MSLN: variants seen among roughly 807,000 people sequenced by gnomAD.
MSLN encodes mesothelin, also known as CAK1 antigen.
MSLN carries 82 observed loss-of-function variants against 72.6 expected under a neutral mutation model. The ratio of observed to expected loss-of-function variants is 1.13; its 90% CI spans 0.94 to 1.36. The LOEUF (loss-of-function observed/expected upper bound fraction) is 1.36, where lower values mean the gene tolerates loss of function less well. MSLN is among the 40% of genes most tolerant of loss of function. The pLI, the probability that MSLN is intolerant of heterozygous loss-of-function variation, is 0.00. For synonymous variants in MSLN, 456 were observed against 387.3 expected (o/e 1.18, Z -2.08); for missense variants, 1,005 against 847.9 (o/e 1.19, Z -2.30).
At chr16:767,288 T>G in intron 15 of MSLN, 88 bp from the exon 16 acceptor site, 1 of 1,291,596 alleles carries the variant, frequency 7.7e-7, no homozygotes, top group East Asian at 2.3e-5. Flanking sequence ...GGAAGCCCTG[T>G]AAGGCAAGTG....
At chr16:764,507 AG>A (rs1345156013) in intron 6 of MSLN, 139 bp from the exon 7 acceptor site, 1 of 818,494 alleles carries the variant, frequency 1.2e-6, no homozygotes, top group East Asian at 2.4e-5. Context: ...GCAGCGCTGC[AG>A]GCGGCCAGAG....
chr16:764,153 A>C lies in MSLN; in HGVS notation c.300+10A>C, dbSNP rs1299561724. On this transcript the variant is annotated intron_variant, in intron 6 of 17. Coordinates refer to ENST00000545450, the MANE Select transcript of MSLN (RefSeq NM_005823.6). ...GCTCTCAACAGAGCAGGTCAGTCTC[A>C]GTTGGGCTGAGGCAGGTGGGCACAG... 1.3e-6 allele frequency: 2 copies of C among 1,599,534 alleles called. No individual in the cohort carries two copies. The highest frequency in any genetic ancestry group is 3.3e-5 in the Admixed American group (2 of 59,912).
chr16:768,266 G>C (rs1596699364), intron 16 of MSLN, 113 bp from the exon 17 acceptor site: 1 of 1,105,362 alleles, frequency 9.0e-7, no homozygotes, highest in Non-Finnish European at 1.2e-6. Context: ...GTCTGGAGAG[G>C]CTGCGGTGGG....
At chr16:765,087 C>T (rs753047130) in intron 8 of MSLN, 23 bp from the exon 9 acceptor site, 23 of 1,605,512 alleles carry the variant, frequency 1.4e-5, no homozygotes, top group African/African-American at 2.7e-5. Context: ...GTTCCAAAAG[C>T]GCTGAGGCCA....
rs1324110940 is a variant in MSLN, at chr16:766,341, C to T, written c.1081C>T (p.Pro361Ser). The part of the protein sequence containing the change: ...VLKHKLDELY[P>S]QGYPESVIQH... ...CTGGTCTCTTGGCCTGCAGCTCTACCCACAAGGTTACCCCGAGTCTGTGAT... is the reference window on the plus strand; with the variant it reads ...CTGGTCTCTTGGCCTGCAGCTCTACTCACAAGGTTACCCCGAGTCTGTGAT... The change falls in exon 13 of 18, where the codon CCA becomes TCA. Residue 361 changes from proline to serine, a missense_variant. Coordinates refer to ENST00000545450, the MANE Select transcript of MSLN (RefSeq NM_005823.6). 1 of 1,612,682 alleles carries T rather than the reference C, an allele frequency of 6.2e-7. No individual in the cohort carries two copies. Among genetic ancestry groups the T allele is most frequent in the South Asian group, 1.1e-5 (1 of 91,088 alleles).
At position 768,045 on chromosome 16, in the gene MSLN, G is replaced by C. The variant is rs2041661469; in HGVS notation, c.1597-334G>C. Among the ~76,000 whole-genome samples, 3 of 95,072 alleles carry C rather than the reference G, an allele frequency of 3.2e-5. No homozygotes were observed. The South Asian group carries it at 1.3e-3, about 42-fold the overall frequency. 62.4% of individuals were successfully genotyped at this position (95,072 alleles called of 152,430 possible). A position where few individuals can be genotyped will look rare whatever the true frequency, so the allele number is the denominator to read the frequency against. On this transcript the variant is annotated intron_variant, in intron 16 of 17. Transcript: ENST00000545450. ...GGGTGTGGAGGGGGGCGCGTGGAGG[G>C]GGCGCGTGGAGGAGGGGCACATGGA...
chr16:768,193 G>A lies in MSLN; in HGVS notation c.1597-186G>A, dbSNP rs146771576. Among the ~76,000 whole-genome samples, 1,172 of 151,618 alleles carry A rather than the reference G, an allele frequency of 7.7e-3. 20 individuals carry two copies. Among genetic ancestry groups the A allele is most frequent in the African/African-American group, 0.027 (1,096 of 41,272 alleles). On this transcript the variant is annotated intron_variant, in intron 16 of 17. Transcript: ENST00000545450. ...GCCTTAGGAAGGGCAGCATCTTCCC[G>A]TGTGGTGGGGCCTAGGGAAGGGCAG...
Position 766,461 on chromosome 16 carries a change from G to A in MSLN, c.1201G>A (p.Val401Ile), listed in dbSNP as rs1302377801. Reference sequence around the variant, plus strand: ...GGAGACCCTGAAGGCTTTGCTTGAAGTCAACAAAGGGCACGAAATGAGTCC... The same window carrying A: ...GGAGACCCTGAAGGCTTTGCTTGAAATCAACAAAGGGCACGAAATGAGTCC... ...SLETLKALLEVNKGHEMSPQV... is the reference protein window; with the variant it reads ...SLETLKALLEINKGHEMSPQV... Residue 401 changes from valine to isoleucine, a missense_variant, in exon 13 of 18, where the codon GTC (valine) becomes ATC (isoleucine). Val to Ile is a conservative substitution (Grantham distance 29). Transcript: ENST00000545450. 9 of 1,612,592 alleles carry A rather than the reference G, an allele frequency of 5.6e-6. No individual in the cohort carries two copies. Among genetic ancestry groups the A allele is most frequent in the Non-Finnish European group, 7.6e-6 (9 of 1,179,920 alleles).
At position 766,880 on chromosome 16, in the gene MSLN, C is replaced by A. The variant is rs766417314; in HGVS notation, c.1374-5C>A. The stretch of plus-strand genomic sequence containing the variant: ...GCGCTCACTGTCCACCCACCGTGTC[C>A]CCAGGGCGGTCAGGCCCCAGGACCT... On this transcript the variant is annotated splice_polypyrimidine_tract_variant and splice_region_variant and intron_variant, in intron 14 of 17. Transcript: ENST00000545450. The A allele has an allele frequency of 3.7e-6, 6 of 1,612,492 alleles. No homozygotes were observed. In the South Asian group the frequency reaches 6.6e-5, roughly 18 times the overall value.
intron 16 of MSLN, 45 bp from the exon 17 acceptor site, chr16:768,333 TG>T: frequency 1.3e-6 from 2 of 1,486,732 alleles, no homozygotes; most frequent in South Asian, 1.4e-5. Context: ...CTGGCGGCGC[TG>T]AGGGAAGGAG....
In MSLN at chr16:764,908, C is replaced by G. The variant is rs756965164; in HGVS notation, c.382C>G (p.Pro128Ala). Residue 128 changes from proline to alanine, a missense_variant and splice_region_variant, in exon 8 of 18, where the codon CCA becomes GCA. Coordinates refer to ENST00000545450, the MANE Select transcript of MSLN (RefSeq NM_005823.6). ...LPLDLLLFLNPDAFSGPQACT... is the reference protein window; with the variant it reads ...LPLDLLLFLNADAFSGPQACT... Reference sequence around the variant, plus strand: ...GTCCCCAGCACCCTCTCTTCACAGCCCAGATGCGTTCTCGGGGCCCCAGGC... The same window carrying G: ...GTCCCCAGCACCCTCTCTTCACAGCGCAGATGCGTTCTCGGGGCCCCAGGC... 2 of 1,611,416 alleles carry G rather than the reference C, an allele frequency of 1.2e-6. No individual in the cohort carries two copies. Among genetic ancestry groups the G allele is most frequent in the Non-Finnish European group, 1.7e-6 (2 of 1,179,396 alleles).
At position 763,649 on chromosome 16, in the gene MSLN, C is replaced by T. The variant is rs748453506; in HGVS notation, c.137C>T (p.Ala46Val). The change falls in exon 5 of 18, where the codon GCG becomes GTG. Residue 46 changes from alanine to valine, a missense_variant. Ala to Val is a moderately conservative substitution (Grantham distance 64). Coordinates refer to ENST00000545450, the MANE Select transcript of MSLN (RefSeq NM_005823.6). ...TLAGETGQEA[A>V]PLDGVLANPP... ...CAGGCCCTGTGTCCCCAGGAGGCTG[C>T]GCCCCTGGACGGAGTCCTGGCCAAC... 3.2e-5 allele frequency: 52 copies of T among 1,601,228 alleles called. No homozygotes were observed. The highest frequency in any genetic ancestry group is 2.7e-4 in the East Asian group (12 of 44,548).
intron 11 of MSLN, 76 bp downstream of exon 11, chr16:765,866 AC>A: frequency 7.0e-7 from 1 of 1,437,044 alleles, no homozygotes; most frequent in African/African-American, 1.4e-5. Context: ...TTAGGGTCTC[AC>A]CTGCCCCTCC....
intron 2 of MSLN, among the ~76,000 whole-genome samples, chr16:761,469 G>A (rs980288710): frequency 3.3e-5 from 5 of 152,218 alleles, no homozygotes; most frequent in Admixed American, 6.5e-5. Flanking sequence ...GGAAGGGCCG[G>A]GCTCTCGGGG....
At position 764,719 on chromosome 16, in the gene MSLN, T is replaced by C; in HGVS notation, c.373T>C (p.Phe125Leu). Residue 125 changes from phenylalanine to leucine, a missense_variant, in exon 7 of 18, where the codon TTC (phenylalanine) becomes CTC (leucine). Coordinates refer to ENST00000545450, the MANE Select transcript of MSLN (RefSeq NM_005823.6). ...CGCCCTCCCATTGGACCTGCTGCTA[T>C]TCCTCAAGTAGGCCCTGCCCCCTGA... ...LDALPLDLLL[F>L]LNPDAFSGPQ... 6.2e-7 allele frequency: 1 copy of C among 1,610,298 alleles called. No individual in the cohort carries two copies.
chr16:766,056 C>T lies in MSLN; in HGVS notation c.896-3C>T, dbSNP rs776135037. On this transcript the variant is annotated splice_polypyrimidine_tract_variant and splice_region_variant and intron_variant, in intron 11 of 17. Coordinates refer to ENST00000545450, the MANE Select transcript of MSLN (RefSeq NM_005823.6). ...CCTGACCCCTGACCCCTGTGCCCTG[C>T]AGAGACAGCCTGTCCTTCAGGCAAG... 3 of 1,606,438 alleles carry T rather than the reference C, an allele frequency of 1.9e-6. No individual in the cohort carries two copies. Among genetic ancestry groups the T allele is most frequent in the East Asian group, 2.2e-5 (1 of 44,600 alleles).
chr16:765,671 C>G lies in MSLN; in HGVS notation c.796-20C>G. 1 of 1,600,118 alleles carries G rather than the reference C, an allele frequency of 6.2e-7. No individual in the cohort carries two copies. Among genetic ancestry groups the G allele is most frequent in the Non-Finnish European group, 8.5e-7 (1 of 1,178,758 alleles). On this transcript the variant is annotated intron_variant, in intron 10 of 17. Transcript: ENST00000545450. Reference sequence around the variant, plus strand: ...ATGCCCGGCCACCCGAGGCTCAGCCCAGGTCCTGCTCGTCCTCAGGGCATC... The same window carrying G: ...ATGCCCGGCCACCCGAGGCTCAGCCGAGGTCCTGCTCGTCCTCAGGGCATC...
intron 16 of MSLN, 44 bp downstream of exon 16, chr16:767,514 G>C (rs750224317): frequency 7.1e-7 from 1 of 1,410,000 alleles, no homozygotes; most frequent in Non-Finnish European, 9.5e-7. Flanking sequence ...GGGGCCCGTG[G>C]AGGAGGGGCG....
Position 763,707 on chromosome 16 carries a change from TCA to T in MSLN, c.179+19_179+20del. On this transcript the variant is annotated intron_variant, in intron 5 of 17. Transcript: ENST00000545450. ...ACATTTCCAGGTGGGTCTGGGGTCC[TCA>T]CAGTCCTCAAGGGTGAGGCTCGAGG... is the stretch of plus-strand genomic sequence containing the variant. The T allele has an allele frequency of 1.7e-6, 2 of 1,164,628 alleles. No individual in the cohort carries two copies. Among genetic ancestry groups the T allele is most frequent in the Non-Finnish European group, 2.1e-6 (2 of 937,412 alleles). 72.1% of individuals were successfully genotyped at this position (1,164,628 alleles called of 1,614,324 possible).
Sources: gnomAD v4.1 joint callset for allele counts (sites outside exome capture counted in the v4.1 genomes callset) on GRCh38, gnomAD v4.1.1 for gene constraint, MANE v1.5 for transcripts, NCBI Gene and HGNC (gene_info 2026-07-23, HGNC 2026-07-21) for gene names.